LOC128092248: variants seen among roughly 807,000 people sequenced by gnomAD.
chr9:130,713,661 A>G, the LOC128092248 span, among the ~76,000 whole-genome samples: 1 of 152,234 alleles, frequency 6.6e-6, no homozygotes, highest in Non-Finnish European at 1.5e-5. Flanking sequence ...CAGCTCAGCC[A>G]AAAACTTTAA....
the LOC128092248 span, among the ~76,000 whole-genome samples, chr9:130,713,687 T>C: frequency 6.6e-6 from 1 of 152,242 alleles, no homozygotes; most frequent in Non-Finnish European, 1.5e-5. Context: ...AGGAAAAGTC[T>C]GGATTGGTTC....
At chr9:130,713,684 G>C in the LOC128092248 span, among the ~76,000 whole-genome samples, 3 of 152,242 alleles carry the variant, frequency 2.0e-5, no homozygotes, top group African/African-American at 4.8e-5. Context: ...CAAAGGAAAA[G>C]TCTGGATTGG....
At chr9:130,713,626 A>G in the LOC128092248 span, among the ~76,000 whole-genome samples, 6 of 152,160 alleles carry the variant, frequency 3.9e-5, no homozygotes, top group Non-Finnish European at 7.3e-5. Context: ...ACTTCTTCCA[A>G]TGTCACCTAC....
chr9:130,713,710 A>C, the LOC128092248 span, among the ~76,000 whole-genome samples: 1 of 152,226 alleles, frequency 6.6e-6, no homozygotes, highest in African/African-American at 2.4e-5. Context: ...CAGGCCTTTT[A>C]AAAAGCGGAC....
the LOC128092248 span, among the ~76,000 whole-genome samples, chr9:130,713,718 G>A: frequency 2.0e-5 from 3 of 152,176 alleles, no homozygotes; most frequent in Non-Finnish European, 4.4e-5. Context: ...TTAAAAAGCG[G>A]ACTTAAAAGT....
the LOC128092248 span, among the ~76,000 whole-genome samples, chr9:130,713,640 C>A: frequency 2.0e-5 from 3 of 152,206 alleles, no homozygotes; most frequent in Non-Finnish European, 4.4e-5. Context: ...CACCTACGGC[C>A]CCCTTAGTCT....
the LOC128092248 span, among the ~76,000 whole-genome samples, chr9:130,713,700 CA>C: frequency 6.6e-6 from 1 of 152,224 alleles, no homozygotes; most frequent in Non-Finnish European, 1.5e-5. Context: ...ATTGGTTCCA[CA>C]GGCCTTTTAA....
At chr9:130,713,705 C>T in the LOC128092248 span, among the ~76,000 whole-genome samples, 2 of 152,176 alleles carry the variant, frequency 1.3e-5, no homozygotes, top group Non-Finnish European at 2.9e-5. Context: ...TTCCACAGGC[C>T]TTTTAAAAAG....
At chr9:130,713,716 C>CG in the LOC128092248 span, among the ~76,000 whole-genome samples, 1 of 152,188 alleles carries the variant, frequency 6.6e-6, no homozygotes, top group Non-Finnish European at 1.5e-5. Context: ...TTTTAAAAAG[C>CG]GGACTTAAAA....
At chr9:130,713,688 G>A in the LOC128092248 span, among the ~76,000 whole-genome samples, 2 of 152,200 alleles carry the variant, frequency 1.3e-5, no homozygotes, top group East Asian at 1.9e-4. Context: ...GGAAAAGTCT[G>A]GATTGGTTCC....
chr9:130,713,692 T>C, the LOC128092248 span, among the ~76,000 whole-genome samples: 1 of 152,232 alleles, frequency 6.6e-6, no homozygotes, highest in Non-Finnish European at 1.5e-5. Context: ...AAGTCTGGAT[T>C]GGTTCCACAG....
the LOC128092248 span, among the ~76,000 whole-genome samples, chr9:130,713,669 T>C: frequency 6.6e-6 from 1 of 152,222 alleles, no homozygotes; most frequent in Admixed American, 6.5e-5. Flanking sequence ...CCAAAAACTT[T>C]AATGCAAAGG....
the LOC128092248 span, among the ~76,000 whole-genome samples, chr9:130,713,635 A>G: frequency 4.6e-5 from 7 of 152,066 alleles, no homozygotes; most frequent in South Asian, 1.5e-3. Context: ...AATGTCACCT[A>G]CGGCCCCCTT....
chr9:130,713,653 G>C, the LOC128092248 span, among the ~76,000 whole-genome samples: 1 of 152,166 alleles, frequency 6.6e-6, no homozygotes, highest in Non-Finnish European at 1.5e-5. Context: ...CTTAGTCTCA[G>C]CTCAGCCAAA....
chr9:130,713,686 C>G, the LOC128092248 span, among the ~76,000 whole-genome samples: 1 of 152,228 alleles, frequency 6.6e-6, no homozygotes, highest in African/African-American at 2.4e-5. Context: ...AAGGAAAAGT[C>G]TGGATTGGTT....
At chr9:130,713,688 G>C in the LOC128092248 span, among the ~76,000 whole-genome samples, 1 of 152,318 alleles carries the variant, frequency 6.6e-6, no homozygotes, top group Non-Finnish European at 1.5e-5. Context: ...GGAAAAGTCT[G>C]GATTGGTTCC....
At chr9:130,713,635 A>T in the LOC128092248 span, among the ~76,000 whole-genome samples, 6,004 of 152,180 alleles carry the variant, frequency 0.039, 181 homozygotes, top group African/African-American at 0.09. Context: ...AATGTCACCT[A>T]CGGCCCCCTT....
the LOC128092248 span, among the ~76,000 whole-genome samples, chr9:130,713,646 A>G: frequency 2.6e-5 from 4 of 152,178 alleles, no homozygotes; most frequent in Non-Finnish European, 5.9e-5. Flanking sequence ...CGGCCCCCTT[A>G]GTCTCAGCTC....
Sources: gnomAD v4.1 joint callset for allele counts (sites outside exome capture counted in the v4.1 genomes callset) on GRCh38, gnomAD v4.1.1 for gene constraint, MANE v1.5 for transcripts.